Variants in CDH18 observed in about 807,000 individuals in gnomAD.
The protein encoded by CDH18 is cadherin-18.
CDH18 carries 31 observed loss-of-function variants against 67.9 expected under a neutral mutation model. That is an observed-to-expected ratio of 0.46 (90% CI 0.34 to 0.62). The LOEUF is 0.62. CDH18 is among the 20% of genes least tolerant of loss of function. The pLI, the probability that CDH18 is intolerant of heterozygous loss-of-function variation, is 0.01. For synonymous variants in CDH18, 362 were observed against 347.2 expected (o/e 1.04, Z -0.48); for missense variants, 890 against 975.5 (o/e 0.91, Z 1.17).
intron 2 of CDH18, among the ~76,000 whole-genome samples, chr5:20,210,658 G>A (rs983931229): frequency 1.3e-5 from 2 of 151,860 alleles, no homozygotes; most frequent in Admixed American, 1.3e-4. Flanking sequence ...ATATCCGATA[G>A]TGATTTAGGT....
chr5:19,533,925 T>C (rs1159159179), intron 9 of CDH18, among the ~76,000 whole-genome samples: 1 of 152,138 alleles, frequency 6.6e-6, no homozygotes, highest in Non-Finnish European at 1.5e-5. Context: ...AGGAAACCTA[T>C]AAAATAAATA....
intron 5 of CDH18, among the ~76,000 whole-genome samples, chr5:19,700,144 A>C (rs1017166332): frequency 3.3e-5 from 5 of 152,278 alleles, no homozygotes; most frequent in Admixed American, 2.0e-4. Flanking sequence ...CATAAAAATT[A>C]ATTTGCTTCT....
chr5:20,200,012 G>T (rs1437074957), intron 2 of CDH18, among the ~76,000 whole-genome samples: 1 of 152,064 alleles, frequency 6.6e-6, no homozygotes, highest in African/African-American at 2.4e-5. Context: ...TTTATAAATT[G>T]CTCAGTCTTG....
intron 5 of CDH18, among the ~76,000 whole-genome samples, chr5:19,704,819 G>C (rs11949907): frequency 6.6e-6 from 1 of 151,934 alleles, no homozygotes; most frequent in Non-Finnish European, 1.5e-5. Flanking sequence ...CAGGTAAATG[G>C]AGAATGTTGA....
At chr5:19,637,354 C>T (rs925288199) in intron 5 of CDH18, among the ~76,000 whole-genome samples, 5 of 152,074 alleles carry the variant, frequency 3.3e-5, no homozygotes, top group Admixed American at 2.6e-4. Flanking sequence ...TCTAATATCA[C>T]GGCTGCCATG....
intron 2 of CDH18, among the ~76,000 whole-genome samples, chr5:19,903,539 G>GTATATATATA (rs1442013514): frequency 3.3e-5 from 1 of 30,514 alleles, no homozygotes; most frequent in East Asian, 6.3e-4. Context: ...CTGTGTGTGT[G>GTATATATATA]TGTATATATA....
chr5:20,538,909 G>GTTTTTTTTT (rs35247774), intron 1 of CDH18, among the ~76,000 whole-genome samples: 27 of 118,724 alleles, frequency 2.3e-4, no homozygotes, highest in African/African-American at 8.7e-4. Context: ...TTTTTTTTTT[G>GTTTTTTTTT]TTTTTTTTTT....
intron 7 of CDH18, among the ~76,000 whole-genome samples, chr5:19,581,763 A>G (rs1743292167): frequency 6.6e-6 from 1 of 152,080 alleles, no homozygotes; most frequent in African/African-American, 2.4e-5. Context: ...TGACATCATT[A>G]TTAATTTTTT....
rs1271041127 is a variant in CDH18 at position 20,424,736 on chromosome 5, GA to G, written c.-580+150725del. Among the ~76,000 whole-genome samples, 9 of 88,052 alleles carry G rather than the reference GA, an allele frequency of 1.0e-4. No homozygotes were observed. In the East Asian group the frequency reaches 3.0e-3, roughly 30 times the overall value. 57.8% of individuals were successfully genotyped at this position (88,052 alleles called of 152,430 possible). On this transcript the variant is annotated intron_variant, in intron 1 of 14. Transcript: ENST00000507958. ...CACTCCAGCCTGGGTAATAGAGCAAGACTCTGTCTAAAAAAAAAAAAAAAAA... is the reference window on the plus strand; with the variant it reads ...CACTCCAGCCTGGGTAATAGAGCAAGCTCTGTCTAAAAAAAAAAAAAAAAA...
At position 20,241,905 on chromosome 5, in the gene CDH18, T is replaced by TATATATATATATATATATATATATAA. The variant is rs369967608; in HGVS notation, c.-518+13538_-518+13539insTTATATATATATATATATATATATAT. ...ATATATATATATGTATATATATATATATATTGCTTAGTCAGAGGCACTGTG... is the reference window on the plus strand; with the variant it reads ...ATATATATATATGTATATATATATATATATATATATATATATATATATATAAATATTGCTTAGTCAGAGGCACTGTG... On this transcript the variant is annotated intron_variant, in intron 2 of 14. Coordinates refer to the CDH18 transcript ENST00000507958. 2.1e-3 allele frequency among the ~76,000 whole-genome samples: 294 copies of TATATATATATATATATATATATATAA among 141,302 alleles called. 1 individual carries two copies. The highest frequency in any genetic ancestry group is 7.6e-3 in the African/African-American group (272 of 35,802). The allele number at this position is 141,302 out of a possible 152,430, so 92.7% of individuals were successfully genotyped here.
At chr5:20,136,430 G>A (rs897231366) in intron 2 of CDH18, among the ~76,000 whole-genome samples, 2 of 151,770 alleles carry the variant, frequency 1.3e-5, no homozygotes, top group South Asian at 2.1e-4. Context: ...TTTTTGTTTC[G>A]CATTTGCTTG....
At chr5:19,972,990 T>A (rs1798171223) in intron 2 of CDH18, among the ~76,000 whole-genome samples, 1 of 152,078 alleles carries the variant, frequency 6.6e-6, no homozygotes, top group African/African-American at 2.4e-5. Context: ...TAATATTAAT[T>A]AATAATATTA....
chr5:19,802,404 G>A (rs1002876983), intron 3 of CDH18, among the ~76,000 whole-genome samples: 1 of 152,024 alleles, frequency 6.6e-6, no homozygotes, highest in Non-Finnish European at 1.5e-5. Context: ...GGACACTGGA[G>A]TAAGTTTAAA....
chr5:20,344,088 C>T (rs974258381), intron 1 of CDH18, among the ~76,000 whole-genome samples: 4 of 152,094 alleles, frequency 2.6e-5, no homozygotes, highest in African/African-American at 9.7e-5. Context: ...CACTTTTCAG[C>T]CCAAAGGATG....
chr5:20,140,678 G>A (rs757809426), intron 2 of CDH18, among the ~76,000 whole-genome samples: 62 of 152,018 alleles, frequency 4.1e-4, no homozygotes, highest in African/African-American at 1.3e-3. Context: ...GTTCTGTGAC[G>A]ACAGTTCTCT....
chr5:20,231,172 A>C (rs1335864091), intron 2 of CDH18, among the ~76,000 whole-genome samples: 1 of 152,230 alleles, frequency 6.6e-6, no homozygotes, highest in African/African-American at 2.4e-5. Context: ...TATAAGTGAT[A>C]AATTTTATAG....
intron 2 of CDH18, among the ~76,000 whole-genome samples, chr5:20,223,208 C>T (rs1741367833): frequency 6.6e-6 from 1 of 152,090 alleles, no homozygotes; most frequent in Non-Finnish European, 1.5e-5. Flanking sequence ...CCTCTTGCAT[C>T]AGCATGACCT....
rs56659157 is a variant in CDH18, at chr5:19,489,508, T to G, written c.1631-5956A>C. ...GTGATCTGCCCCCCTTGGCCTCCCATAGTGCTGGGATTACAGGTGTGAGCC... is the reference window on the plus strand; with the variant it reads ...GTGATCTGCCCCCCTTGGCCTCCCAGAGTGCTGGGATTACAGGTGTGAGCC... On this transcript the variant is annotated intron_variant, in intron 11 of 12. Coordinates refer to ENST00000382275, the MANE Select transcript of CDH18 (RefSeq NM_004934.5). Among the ~76,000 whole-genome samples, 7 of 151,908 alleles carry G rather than the reference T, an allele frequency of 4.6e-5. 1 individual carries two copies. Among genetic ancestry groups the G allele is most frequent in the Non-Finnish European group, 1.0e-4 (7 of 67,938 alleles).
Position 20,479,844 on chromosome 5 carries a change from A to G in CDH18, c.-580+95618T>C, listed in dbSNP as rs143593845. Among the ~76,000 whole-genome samples the G allele has an allele frequency of 1.4e-4, 21 of 152,298 alleles. No individual in the cohort carries two copies. The East Asian group carries it at 3.5e-3, about 25-fold the overall frequency. On this transcript the variant is annotated intron_variant, in intron 1 of 14. Coordinates refer to the CDH18 transcript ENST00000507958. Reference sequence around the variant, plus strand: ...AAATAAAACTACTCTAAGGTATTAAATAATCAAAGGTCATGATAAAGAAAG... The same window carrying G: ...AAATAAAACTACTCTAAGGTATTAAGTAATCAAAGGTCATGATAAAGAAAG...
Sources: allele counts gnomAD v4.1 joint callset (sites outside exome capture counted in the v4.1 genomes callset), GRCh38; gene constraint gnomAD v4.1.1; transcripts MANE v1.5; gene names NCBI Gene and HGNC (gene_info 2026-07-23, HGNC 2026-07-21).